The following AXDND1 variants were observed in gnomAD, a reference collection of about 807,000 sequenced individuals.
AXDND1 encodes the protein axonemal dynein light chain domain-containing protein 1.
Under a neutral mutation model 137.5 loss-of-function variants are expected in AXDND1, and 110 were observed. That is an observed-to-expected ratio of 0.80 (90% CI 0.69 to 0.94). The LOEUF (loss-of-function observed/expected upper bound fraction) is 0.94, where lower values mean the gene tolerates loss of function less well. Ranked by LOEUF, AXDND1 falls within the 40% of genes least tolerant of loss-of-function variation. AXDND1 has a pLI of 0.00. For synonymous variants in AXDND1, 414 were observed against 399.7 expected (o/e 1.04, Z -0.43); for missense variants, 1,191 against 1,169.8 (o/e 1.02, Z -0.26).
intron 25 of AXDND1, among the ~76,000 whole-genome samples, chr1:179,547,998 A>G (rs550442483): frequency 1.6e-4 from 25 of 152,226 alleles, no homozygotes; most frequent in African/African-American, 6.0e-4. Flanking sequence ...TTGCTCTACT[A>G]TGATCCCGAA....
chr1:179,475,357 A>G (rs940314676), intron 17 of AXDND1, among the ~76,000 whole-genome samples: 4 of 152,212 alleles, frequency 2.6e-5, no homozygotes, highest in African/African-American at 9.7e-5. Context: ...AGACCATGAA[A>G]GCAGCCAGGT....
At chr1:179,551,246 C>G in intron 25 of AXDND1, 1 of 1,614,090 alleles carries the variant, frequency 6.2e-7, no homozygotes. Flanking sequence ...GAAGGGGAGG[C>G]TTCCCTGAGT....
rs1558256695 is a variant in AXDND1, at chr1:179,488,649, TTCTTTCTTTC to T, written c.2092-2887_2092-2878del. Among the ~76,000 whole-genome samples, 2 of 97,062 alleles carry T rather than the reference TTCTTTCTTTC, an allele frequency of 2.1e-5. 1 individual carries two copies. The highest frequency in any genetic ancestry group is 1.0e-4 in the African/African-American group (2 of 19,934). 63.7% of individuals were successfully genotyped at this position (97,062 alleles called of 152,430 possible). Reference sequence around the variant, plus strand: ...CTCTCTCTCTCCTTTCTTTCTTTCTTTCTTTCTTTCTTTCTTTCTTTCTTTCTTTCTTTCT... The same window carrying T: ...CTCTCTCTCTCCTTTCTTTCTTTCTTTTTCTTTCTTTCTTTCTTTCTTTCT... On this transcript the variant is annotated intron_variant, in intron 18 of 25. Coordinates refer to ENST00000367618, the MANE Select transcript of AXDND1 (RefSeq NM_144696.6).
At chr1:179,487,547 T>C (rs894959446) in intron 18 of AXDND1, among the ~76,000 whole-genome samples, 2 of 148,452 alleles carry the variant, frequency 1.3e-5, no homozygotes, top group Non-Finnish European at 3.0e-5. Flanking sequence ...CAGATTAAAC[T>C]TGTGATTATA....
At chr1:179,452,407 C>CATTTTCTGAG (rs1558198584) in intron 16 of AXDND1, 1 of 151,706 alleles carries the variant, frequency 6.6e-6, no homozygotes, top group African/African-American at 2.5e-5. Context: ...AAGAAAATCC[C>CATTTTCTGAG]GCCGGGCGCG....
chr1:179,459,768 T>A (rs1661975438), intron 16 of AXDND1, among the ~76,000 whole-genome samples: 2 of 150,736 alleles, frequency 1.3e-5, no homozygotes, highest in Admixed American at 1.3e-4. Context: ...TTCTTTTCTC[T>A]TTTCTTTTTC....
At position 179,447,692 on chromosome 1, in the gene AXDND1, GGGGAGACTTT is replaced by G. The variant is rs1659932609; in HGVS notation, c.1798+2490_1798+2499del. 2.2e-6 allele frequency: 3 copies of G among 1,346,484 alleles called. No homozygotes were observed. In the Admixed American group the frequency reaches 5.1e-5, roughly 23 times the overall value. 83.4% of individuals were successfully genotyped at this position (1,346,484 alleles called of 1,614,324 possible). On this transcript the variant is annotated intron_variant, in intron 16 of 25. Coordinates refer to ENST00000367618, the MANE Select transcript of AXDND1 (RefSeq NM_144696.6). ...CCAAGATTACTGCCACCTGGTGGAG[GGGGAGACTTT>G]GTAGGCATGACTTTACCTAAACTAT... is the stretch of plus-strand genomic sequence containing the variant.
At chr1:179,553,839 G>A (rs1177130463) in intron 25 of AXDND1, among the ~76,000 whole-genome samples, 2 of 151,952 alleles carry the variant, frequency 1.3e-5, no homozygotes, top group African/African-American at 4.8e-5. Context: ...TCCGCCTCCC[G>A]GGTTCAAGTG....
At chr1:179,494,609 A>G (rs920880655) in intron 20 of AXDND1, among the ~76,000 whole-genome samples, 8 of 151,788 alleles carry the variant, frequency 5.3e-5, no homozygotes, top group Admixed American at 5.3e-4. Context: ...CCTGAGCTCA[A>G]GTGATCTTCC....
rs140504813 is a variant in AXDND1, at chr1:179,475,650, A to C, written c.1997+7009A>C. Among the ~76,000 whole-genome samples, 287 of 152,318 alleles carry C rather than the reference A, an allele frequency of 1.9e-3. 2 individuals are homozygous for C. Among genetic ancestry groups the C allele is most frequent in the Non-Finnish European group, 3.2e-3 (220 of 68,026 alleles). On this transcript the variant is annotated intron_variant, in intron 17 of 25. Transcript: ENST00000367618. ...TGTTTTTTTTATTTTACAGGCTCAT[A>C]GACAGAAGGGACTTGCCTTGCTCAG...
chr1:179,525,581 C>G (rs948285626), intron 22 of AXDND1, 134 bp downstream of exon 22: 38 of 1,076,022 alleles, frequency 3.5e-5, no homozygotes, highest in Non-Finnish European at 4.6e-5. Flanking sequence ...ACTGTAACCT[C>G]GAACTCTGGG....
intron 9 of AXDND1, among the ~76,000 whole-genome samples, chr1:179,391,469 G>A (rs558473016): frequency 6.6e-6 from 1 of 152,058 alleles, no homozygotes; most frequent in Admixed American, 6.6e-5. Context: ...CCCTCATTCT[G>A]TTCTTGTGAT....
chr1:179,530,994 T>G (rs1558309604), intron 23 of AXDND1, among the ~76,000 whole-genome samples: 1 of 152,178 alleles, frequency 6.6e-6, no homozygotes. Context: ...ACTACTCAAA[T>G]CGATCTTCTT....
Position 179,468,687 on chromosome 1 carries a change from G to C in AXDND1, c.1997+46G>C, listed in dbSNP as rs1464965744. 4 of 1,487,266 alleles carry C rather than the reference G, an allele frequency of 2.7e-6. No individual in the cohort carries two copies. The African/African-American group carries it at 5.6e-5, about 21-fold the overall frequency. 92.1% of individuals were successfully genotyped at this position (1,487,266 alleles called of 1,614,324 possible). A position where few individuals can be genotyped will look rare whatever the true frequency, so the allele number is the denominator to read the frequency against. ...TTTGTTCTGAGATAATTTTCCTAAA[G>C]GTTTGTTGCAATACACTTCATATAT... is the stretch of plus-strand genomic sequence containing the variant. On this transcript the variant is annotated intron_variant, in intron 17 of 25. Transcript: ENST00000367618.
chr1:179,418,244 A>G (rs549673935), intron 12 of AXDND1, among the ~76,000 whole-genome samples: 2,643 of 152,112 alleles, frequency 0.017, 62 homozygotes, highest in African/African-American at 0.059. Context: ...ATCTTGCACC[A>G]CCCTTAATCC....
At chr1:179,378,426 T>C (rs1647652008) in intron 4 of AXDND1, among the ~76,000 whole-genome samples, 1 of 152,042 alleles carries the variant, frequency 6.6e-6, no homozygotes, top group South Asian at 2.1e-4. Flanking sequence ...GTTTGTGATA[T>C]GAATGAGAAA....
chr1:179,477,601 G>T, intron 17 of AXDND1, among the ~76,000 whole-genome samples: 1 of 150,734 alleles, frequency 6.6e-6, no homozygotes, highest in South Asian at 2.1e-4. Flanking sequence ...CTGGGTTCCT[G>T]CCACAACATG....
At chr1:179,551,719 A>G in intron 25 of AXDND1, 1 of 463,576 alleles carries the variant, frequency 2.2e-6, no homozygotes, top group Non-Finnish European at 3.9e-6. Context: ...GTGGGCCTTG[A>G]AAGATTAGGA....
chr1:179,512,940 A>G (rs1169339143), intron 21 of AXDND1, among the ~76,000 whole-genome samples: 1 of 152,130 alleles, frequency 6.6e-6, no homozygotes, highest in Non-Finnish European at 1.5e-5. Flanking sequence ...GAATTCTTTT[A>G]TCATTTCTAG....
Sources: allele counts gnomAD v4.1 joint callset (sites outside exome capture counted in the v4.1 genomes callset), GRCh38; gene constraint gnomAD v4.1.1; transcripts MANE v1.5; gene names NCBI Gene and HGNC (gene_info 2026-07-23, HGNC 2026-07-21).